The following ADAT1 variants were observed in gnomAD, a reference collection of about 807,000 sequenced individuals.
The protein encoded by ADAT1 is adenosine deaminase tRNA specific 1.
A neutral mutation model predicts 58.6 loss-of-function variants in ADAT1; 58 were observed. That is an observed-to-expected ratio of 0.99 (90% CI 0.80 to 1.23). The LOEUF (loss-of-function observed/expected upper bound fraction) is 1.23. Among genes scored for constraint, ADAT1 ranks in the 50% most tolerant of loss-of-function variants. The probability of loss-of-function intolerance (pLI) is 0.00; values close to 1 mark genes in which losing one functional copy is unlikely to be tolerated. For synonymous variants in ADAT1, 254 were observed against 220.8 expected (o/e 1.15, Z -1.33); for missense variants, 741 against 608.6 (o/e 1.22, Z -2.29).
intron 5 of ADAT1, among the ~76,000 whole-genome samples, chr16:75,616,495 G>A (rs1178567246): frequency 6.6e-6 from 1 of 152,078 alleles, no homozygotes; most frequent in Non-Finnish European, 1.5e-5. Flanking sequence ...AAATTTTGCT[G>A]CCATCCTGAG....
intron 5 of ADAT1, among the ~76,000 whole-genome samples, chr16:75,616,254 C>T (rs1285579548): frequency 2.6e-5 from 4 of 152,110 alleles, no homozygotes; most frequent in African/African-American, 9.7e-5. Flanking sequence ...GTGATCTGCC[C>T]GCCTCGGACT....
At position 75,612,541 on chromosome 16, in the gene ADAT1, C is replaced by G. The variant is rs753214129; in HGVS notation, c.745G>C (p.Gly249Arg). 1.9e-6 allele frequency: 3 copies of G among 1,614,050 alleles called. No homozygotes were observed. Among genetic ancestry groups the G allele is most frequent in the African/African-American group, 2.7e-5 (2 of 74,926 alleles). The change falls in exon 6 of 10, where the codon GGT becomes CGT. Residue 249 changes from glycine (G) to arginine (R), a missense_variant. Transcript: ENST00000564657. ...TAAACGTCTATCACTTTGGCACTAC[C>G]AGGGGCTATTCTGGTGACAGTAGCC... ...GLATVTRIAP[G>R]SAKVIDVYRT... is the part of the protein sequence containing the mutation.
chr16:75,614,339 G>C (rs572415991), intron 5 of ADAT1, among the ~76,000 whole-genome samples: 1 of 152,122 alleles, frequency 6.6e-6, no homozygotes, highest in South Asian at 2.1e-4. Flanking sequence ...GTTTCCTCTT[G>C]CTGGTTTAGA....
chr16:75,613,009 C>T (rs1275865959), intron 5 of ADAT1, 148 bp from the exon 6 acceptor site: 1 of 983,382 alleles, frequency 1.0e-6, no homozygotes, highest in Non-Finnish European at 1.5e-6. Flanking sequence ...AGGCAGAGCC[C>T]AGCAGTGTGT....
rs1384908053 is a variant in ADAT1 at position 75,598,679 on chromosome 16, C to T, written c.*1537G>A. Among the ~76,000 whole-genome samples the T allele has an allele frequency of 2.0e-5, 3 of 151,852 alleles. No individual in the cohort carries two copies. The highest frequency in any genetic ancestry group is 1.5e-5 in the Non-Finnish European group (1 of 67,992). ...GACTACAGGCGTGCACCACCATGCC[C>T]GGCTAATTTTTGTATTTTTAGCAGA... On this transcript the variant is annotated 3_prime_UTR_variant, in exon 10 of 10. Transcript: ENST00000564657.
chr16:75,609,366 A>AT (rs901772387), intron 6 of ADAT1, among the ~76,000 whole-genome samples: 4 of 152,176 alleles, frequency 2.6e-5, no homozygotes, highest in East Asian at 3.9e-4. Flanking sequence ...TAAAAGCTTC[A>AT]TTTTTTTCTC....
intron 5 of ADAT1, among the ~76,000 whole-genome samples, chr16:75,615,767 C>A (rs2081691326): frequency 6.6e-6 from 1 of 152,108 alleles, no homozygotes; most frequent in African/African-American, 2.4e-5. Context: ...TGGGAGTTGG[C>A]TAGAAATGCA....
At position 75,598,985 on chromosome 16, in the gene ADAT1, A is replaced by C; in HGVS notation, c.*1231T>G. 1 of 985,106 alleles carries C rather than the reference A, an allele frequency of 1.0e-6. No homozygotes were observed. Among genetic ancestry groups the C allele is most frequent in the African/African-American group, 1.7e-5 (1 of 57,228 alleles). The allele number at this position is 985,106 out of a possible 1,614,324, so 61.0% of individuals were successfully genotyped here. A position where few individuals can be genotyped will look rare whatever the true frequency, so the allele number is the denominator to read the frequency against. On this transcript the variant is annotated 3_prime_UTR_variant, in exon 10 of 10. Coordinates refer to ENST00000564657, the MANE Select transcript of ADAT1 (RefSeq NM_001324445.2). The stretch of plus-strand genomic sequence containing the variant: ...AGCTTCCATTTTCAGTCAATCATTC[A>C]AGGTCTGAAGTTGAGTGTTAAACAT...
At chr16:75,621,969 G>A (rs1012227142) in intron 1 of ADAT1, among the ~76,000 whole-genome samples, 1 of 152,180 alleles carries the variant, frequency 6.6e-6, no homozygotes, top group African/African-American at 2.4e-5. Context: ...CCAACGTGGT[G>A]AAACCCTGTC....
At position 75,612,636 on chromosome 16, in the gene ADAT1, C is replaced by G; in HGVS notation, c.650G>C (p.Ser217Thr). The change falls in exon 6 of 10, where the codon AGT becomes ACT. Residue 217 changes from serine (S) to threonine (T), a missense_variant. By Grantham distance (58) the Ser-to-Thr change is moderately conservative. Coordinates refer to ENST00000564657, the MANE Select transcript of ADAT1 (RefSeq NM_001324445.2). ...EVTNGAAHHQ[S>T]FGKQKSGPIS... ...TGGGCCACTTTTCTGCTTGCCAAAA[C>G]TCTGATGGTGAGCTGCTCCGTTGGT... 6.2e-7 allele frequency: 1 copy of G among 1,614,128 alleles called. No homozygotes were observed. Among genetic ancestry groups the G allele is most frequent in the East Asian group, 2.2e-5 (1 of 44,874 alleles).
At chr16:75,600,497 C>T (rs757990925) in intron 9 of ADAT1, 149 bp from the exon 10 acceptor site, 12 of 1,328,570 alleles carry the variant, frequency 9.0e-6, no homozygotes, top group Non-Finnish European at 1.2e-5. Context: ...GTTGATCATA[C>T]AAACTACGTT....
At chr16:75,608,618 T>C (rs554445739) in intron 7 of ADAT1, among the ~76,000 whole-genome samples, 1 of 152,222 alleles carries the variant, frequency 6.6e-6, no homozygotes, top group African/African-American at 2.4e-5. Flanking sequence ...ATAAATGATA[T>C]TCTTCTAATC....
At chr16:75,619,694 T>TGAGGTCAGGAGTTCAAGACTAGC in intron 3 of ADAT1, 1 of 445,754 alleles carries the variant, frequency 2.2e-6, no homozygotes, top group Non-Finnish European at 4.5e-6. Flanking sequence ...GCAGATCACC[T>TGAGGTCAGGAGTTCAAGACTAGC]GAGGTCAGGA....
At position 75,599,817 on chromosome 16, in the gene ADAT1, C is replaced by T. The variant is rs2081176062; in HGVS notation, c.*399G>A. On this transcript the variant is annotated 3_prime_UTR_variant, in exon 10 of 10. Transcript: ENST00000564657. ...AGGCTGGGAATACAAAATATATATT[C>T]GCTATGCTAGGCAAAGCTGTAAAAC... 1.6e-5 allele frequency: 16 copies of T among 992,476 alleles called. No individual in the cohort carries two copies. The highest frequency in any genetic ancestry group is 1.8e-5 in the Non-Finnish European group (15 of 834,478). The allele number at this position is 992,476 out of a possible 1,614,324, so 61.5% of individuals were successfully genotyped here.
chr16:75,601,134 A>T (rs1240021998), intron 9 of ADAT1, among the ~76,000 whole-genome samples: 1 of 152,112 alleles, frequency 6.6e-6, no homozygotes, highest in Non-Finnish European at 1.5e-5. Flanking sequence ...TGAGGTCAGG[A>T]GTTTGAGACC....
chr16:75,598,250 T>A lies in ADAT1; in HGVS notation c.*1966A>T. 1 of 366,138 alleles carries A rather than the reference T, an allele frequency of 2.7e-6. No homozygotes were observed. The highest frequency in any genetic ancestry group is 5.4e-6 in the Non-Finnish European group (1 of 184,248). The allele number at this position is 366,138 out of a possible 1,614,324, so 22.7% of individuals were successfully genotyped here. A position where few individuals can be genotyped will look rare whatever the true frequency, so the allele number is the denominator to read the frequency against. ...CGCCAATACACCTGGCTAATTTTTGTATTTTTAGTAGAAAGGGGCTTCACC... is the reference window on the plus strand; with the variant it reads ...CGCCAATACACCTGGCTAATTTTTGAATTTTTAGTAGAAAGGGGCTTCACC... On this transcript the variant is annotated 3_prime_UTR_variant, in exon 10 of 10. Coordinates refer to ENST00000564657, the MANE Select transcript of ADAT1 (RefSeq NM_001324445.2).
intron 4 of ADAT1, among the ~76,000 whole-genome samples, chr16:75,618,033 G>C (rs2081792309): frequency 6.8e-6 from 1 of 147,052 alleles, no homozygotes; most frequent in Non-Finnish European, 1.5e-5. Context: ...AGGAGGCCAA[G>C]GCTGCAATGA....
intron 5 of ADAT1, among the ~76,000 whole-genome samples, chr16:75,615,412 C>T (rs926313979): frequency 1.6e-5 from 2 of 125,350 alleles, no homozygotes; most frequent in African/African-American, 6.1e-5. Flanking sequence ...CCCTGGGCCA[C>T]ATTGGAAGAA....
rs761535744 is a variant in ADAT1, at chr16:75,612,577, C to G, written c.709G>C (p.Val237Leu). 1 of 1,614,108 alleles carries G rather than the reference C, an allele frequency of 6.2e-7. No homozygotes were observed. The highest frequency in any genetic ancestry group is 1.1e-5 in the South Asian group (1 of 91,082). The change falls in exon 6 of 10, where the codon GTA (valine) becomes CTA (leucine). Residue 237 changes from valine to leucine, a missense_variant. By Grantham distance (32) the Val-to-Leu change is conservative (BLOSUM62 1). Transcript: ENST00000564657. The part of the protein sequence containing the change: ...SPGIHSCDLT[V>L]EGLATVTRIA... The stretch of plus-strand genomic sequence containing the variant: ...CTGGTGACAGTAGCCAGTCCCTCTA[C>G]AGTGAGATCACAGCTGTGGATGCCT...
Sources: allele counts gnomAD v4.1 joint callset (sites outside exome capture counted in the v4.1 genomes callset), GRCh38; gene constraint gnomAD v4.1.1; transcripts MANE v1.5; gene names NCBI Gene and HGNC (gene_info 2026-07-23, HGNC 2026-07-21).